MAF: variants seen among roughly 807,000 people sequenced by gnomAD.
The protein encoded by MAF is MAF bZIP transcription factor, also known as transcription factor Maf.
In MAF, 10 loss-of-function variants were observed where a neutral mutation model predicts 22.0. The ratio of observed to expected loss-of-function variants is 0.45; its 90% CI spans 0.28 to 0.77. The LOEUF is 0.77. MAF is among the 30% of genes least tolerant of loss of function. The probability of loss-of-function intolerance (pLI) is 0.12; values close to 1 mark genes in which losing one functional copy is unlikely to be tolerated. For synonymous variants in MAF, 337 were observed against 255.8 expected (o/e 1.32, Z -3.03); for missense variants, 544 against 548.4 (o/e 0.99, Z 0.08).
chr16:79,496,008 C>T, the MAF span, among the ~76,000 whole-genome samples: 3 of 152,272 alleles, frequency 2.0e-5, no homozygotes, highest in African/African-American at 7.2e-5. Context: ...CCAGCTGACC[C>T]ATGAGATAAC....
the MAF span, among the ~76,000 whole-genome samples, chr16:79,480,830 T>C: frequency 6.6e-6 from 1 of 152,114 alleles, no homozygotes; most frequent in African/African-American, 2.4e-5. Context: ...GGGAAAACAG[T>C]TGGATGACAT....
the MAF span, among the ~76,000 whole-genome samples, chr16:79,221,333 G>A: frequency 1.3e-5 from 2 of 152,100 alleles, no homozygotes; most frequent in Non-Finnish European, 1.5e-5. Context: ...ATCCTCCCTG[G>A]GAAAAAATTC....
Sources: gnomAD v4.1 joint callset for allele counts (sites outside exome capture counted in the v4.1 genomes callset) on GRCh38, gnomAD v4.1.1 for gene constraint, MANE v1.5 for transcripts, NCBI Gene and HGNC (gene_info 2026-07-23, HGNC 2026-07-21) for gene names.